Variants in CSNK2A1 observed in about 807,000 individuals in gnomAD.
CSNK2A1 encodes the protein casein kinase 2 alpha 1, also known as casein kinase II subunit alpha.
Under a neutral mutation model 62.9 loss-of-function variants are expected in CSNK2A1, and 10 were observed. The observed-to-expected ratio is 0.16, with a 90% confidence interval of 0.10 to 0.27. The LOEUF is 0.27. CSNK2A1 is among the 10% of genes least tolerant of loss of function. The pLI is 1.00. For missense variants in CSNK2A1, 160 were observed against 492.0 expected (o/e 0.33, Z 6.38); for synonymous variants, 124 against 167.8 (o/e 0.74, Z 2.02).
chr20:482,576 G>T lies in CSNK2A1; in HGVS notation c.*1385C>A, dbSNP rs2017975337. ...CTGCCCGGTACCATGGGTCGAACGA[G>T]GGGTGTATAAAATGGGGGCCTTGGG... On this transcript the variant is annotated 3_prime_UTR_variant, in exon 14 of 14. Transcript: ENST00000217244. The T allele has an allele frequency of 6.6e-6, 1 of 152,320 alleles. No individual in the cohort carries two copies. Among genetic ancestry groups the T allele is most frequent in the Non-Finnish European group, 1.5e-5 (1 of 68,088 alleles). 9.4% of individuals were successfully genotyped at this position (152,320 alleles called of 1,614,324 possible). A position where few individuals can be genotyped will look rare whatever the true frequency, so the allele number is the denominator to read the frequency against.
intron 13 of CSNK2A1, among the ~76,000 whole-genome samples, chr20:484,832 C>A (rs1271172746): frequency 6.6e-6 from 1 of 151,262 alleles, no homozygotes; most frequent in African/African-American, 2.4e-5. Context: ...TTTGGGAGGC[C>A]AAGTTGGGCG....
At chr20:486,852 A>G (rs1210370006) in intron 12 of CSNK2A1, 1 of 197,078 alleles carries the variant, frequency 5.1e-6, no homozygotes, top group African/African-American at 2.3e-5. Context: ...AGGTCCATGT[A>G]GCTTAGGGCT....
chr20:484,427 T>C lies in CSNK2A1; in HGVS notation c.1061-351A>G, dbSNP rs116056346. ...CCAACCACATGTGGCTGCTGAGCAC[T>C]TGAAATATGGCTAGTGCAACTGAGG... On this transcript the variant is annotated intron_variant, in intron 13 of 13. Coordinates refer to ENST00000217244, the MANE Select transcript of CSNK2A1 (RefSeq NM_177559.3). Among the ~76,000 whole-genome samples, 890 of 152,344 alleles carry C rather than the reference T, an allele frequency of 5.8e-3. 12 individuals are homozygous for C. The highest frequency in any genetic ancestry group is 0.021 in the African/African-American group (855 of 41,572).
chr20:491,578 G>A (rs1372621724), intron 9 of CSNK2A1, among the ~76,000 whole-genome samples: 1 of 152,096 alleles, frequency 6.6e-6, no homozygotes, highest in Non-Finnish European at 1.5e-5. Flanking sequence ...GGCTAAGCTG[G>A]AAGGATCACT....
chr20:541,859 C>T (rs2019457508), intron 1 of CSNK2A1, among the ~76,000 whole-genome samples: 2 of 152,204 alleles, frequency 1.3e-5, no homozygotes, highest in South Asian at 4.1e-4. Flanking sequence ...CATACACCCT[C>T]CCGCAATAGC....
chr20:512,851 A>G (rs967328642), intron 2 of CSNK2A1, among the ~76,000 whole-genome samples: 2 of 152,220 alleles, frequency 1.3e-5, no homozygotes, highest in African/African-American at 4.8e-5. Context: ...TTCACTTAAT[A>G]TCAGTTAAAA....
rs1408312453 is a variant in CSNK2A1, at chr20:483,460, T to C, written c.*501A>G. On this transcript the variant is annotated 3_prime_UTR_variant, in exon 14 of 14. Transcript: ENST00000217244. Reference sequence around the variant, plus strand: ...GCAAGCAGTCCACTGCTCCTATAGATTGGGTCCTCCCTTCCTTCTTTCCTT... The same window carrying C: ...GCAAGCAGTCCACTGCTCCTATAGACTGGGTCCTCCCTTCCTTCTTTCCTT... The C allele has an allele frequency of 1.3e-5, 2 of 152,622 alleles. No individual in the cohort carries two copies. Among genetic ancestry groups the C allele is most frequent in the Non-Finnish European group, 2.9e-5 (2 of 68,076 alleles). 9.5% of individuals were successfully genotyped at this position (152,622 alleles called of 1,614,324 possible). A position where few individuals can be genotyped will look rare whatever the true frequency, so the allele number is the denominator to read the frequency against.
intron 2 of CSNK2A1, among the ~76,000 whole-genome samples, chr20:512,060 T>C (rs896003058): frequency 2.0e-5 from 3 of 152,164 alleles, no homozygotes; most frequent in Non-Finnish European, 4.4e-5. Flanking sequence ...TTCTGTTTTT[T>C]GCTTGTTTTT....
chr20:533,275 C>T (rs1436738249), intron 1 of CSNK2A1, among the ~76,000 whole-genome samples: 3 of 152,148 alleles, frequency 2.0e-5, no homozygotes, highest in Non-Finnish European at 4.4e-5. Flanking sequence ...ATTAAGGCTT[C>T]GAATTTGGAA....
chr20:496,942 G>GT (rs1435736993), intron 7 of CSNK2A1, among the ~76,000 whole-genome samples: 2 of 152,166 alleles, frequency 1.3e-5, no homozygotes, highest in African/African-American at 4.8e-5. Context: ...GTGAGATAAA[G>GT]TATACCAGAA....
intron 11 of CSNK2A1, chr20:487,962 TCTC>T (rs2018135270): frequency 7.4e-6 from 2 of 269,338 alleles, no homozygotes; most frequent in African/African-American, 2.2e-5. Flanking sequence ...GGAAAGTCCA[TCTC>T]CTCCTGTTGA....
In CSNK2A1 at chr20:474,935, T is replaced by C. The variant is rs1382269443; in HGVS notation, c.*9026A>G. ...GTCTTACTCTGCTCAGTTTTCATTT[T>C]GTAAACTTTTAAACATTTGAACTCT... On this transcript the variant is annotated 3_prime_UTR_variant, in exon 14 of 14. Transcript: ENST00000217244. The C allele has an allele frequency of 6.6e-6, 1 of 152,240 alleles. No individual in the cohort carries two copies. Among genetic ancestry groups the C allele is most frequent in the African/African-American group, 2.4e-5 (1 of 41,456 alleles). 9.4% of individuals were successfully genotyped at this position (152,240 alleles called of 1,614,324 possible).
rs1285009985 is a variant in CSNK2A1 at position 478,932 on chromosome 20, C to T, written c.*5029G>A. ...ACAGAGCAAGACCCGTATCAAAAAA[C>T]AAAACAAACAAAAAACTTCTAGTGA... On this transcript the variant is annotated 3_prime_UTR_variant, in exon 14 of 14. Transcript: ENST00000217244. 6.1e-6 allele frequency: 1 copy of T among 162,632 alleles called. No homozygotes were observed. Among genetic ancestry groups the T allele is most frequent in the Admixed American group, 6.4e-5 (1 of 15,714 alleles). The allele number at this position is 162,632 out of a possible 1,614,324, so 10.1% of individuals were successfully genotyped here. A position where few individuals can be genotyped will look rare whatever the true frequency, so the allele number is the denominator to read the frequency against.
At position 543,767 on chromosome 20, in the gene CSNK2A1, A is replaced by T. The variant is rs1401255356; in HGVS notation, c.-322T>A. ...GGAGGAGACACACGGCTCGGCCGCC[A>T]GCCGCAGGGACCAGAGCGAGGCTGC... On this transcript the variant is annotated 5_prime_UTR_variant, in exon 1 of 14. Coordinates refer to ENST00000217244, the MANE Select transcript of CSNK2A1 (RefSeq NM_177559.3). 2.5e-6 allele frequency: 1 copy of T among 398,328 alleles called. No individual in the cohort carries two copies. Among genetic ancestry groups the T allele is most frequent in the Admixed American group, 4.4e-5 (1 of 22,720 alleles). 24.7% of individuals were successfully genotyped at this position (398,328 alleles called of 1,614,324 possible). A position where few individuals can be genotyped will look rare whatever the true frequency, so the allele number is the denominator to read the frequency against.
At chr20:515,720 T>C (rs1337935951) in intron 2 of CSNK2A1, among the ~76,000 whole-genome samples, 3 of 152,254 alleles carry the variant, frequency 2.0e-5, no homozygotes, top group African/African-American at 2.4e-5. Context: ...TTTTAATTTA[T>C]AGTACCTAGC....
chr20:514,890 C>T (rs964527892), intron 2 of CSNK2A1, among the ~76,000 whole-genome samples: 1 of 152,184 alleles, frequency 6.6e-6, no homozygotes, highest in Non-Finnish European at 1.5e-5. Flanking sequence ...CTGATTTTGT[C>T]CATCCCTTAA....
chr20:481,048 G>A lies in CSNK2A1; in HGVS notation c.*2913C>T, dbSNP rs1032343230. ...AAACAGAATTCAAAACGTGAAAACGGAGCCATCTATCACACACGGTGTCGG... is the reference window on the plus strand; with the variant it reads ...AAACAGAATTCAAAACGTGAAAACGAAGCCATCTATCACACACGGTGTCGG... On this transcript the variant is annotated 3_prime_UTR_variant, in exon 14 of 14. Coordinates refer to ENST00000217244, the MANE Select transcript of CSNK2A1 (RefSeq NM_177559.3). 4 of 152,154 alleles carry A rather than the reference G, an allele frequency of 2.6e-5. No homozygotes were observed. Among genetic ancestry groups the A allele is most frequent in the African/African-American group, 9.7e-5 (4 of 41,432 alleles). 9.4% of individuals were successfully genotyped at this position (152,154 alleles called of 1,614,324 possible).
chr20:499,446 C>T lies in CSNK2A1; in HGVS notation c.316-141G>A, dbSNP rs2018413467. 1.5e-6 allele frequency: 1 copy of T among 656,804 alleles called. No individual in the cohort carries two copies. Among genetic ancestry groups the T allele is most frequent in the Admixed American group, 3.1e-5 (1 of 31,914 alleles). 40.7% of individuals were successfully genotyped at this position (656,804 alleles called of 1,614,324 possible). A position where few individuals can be genotyped will look rare whatever the true frequency, so the allele number is the denominator to read the frequency against. ...AAGAAACCCTCTATTGCTACAAGCCCTCCCCGCTCTGATCATCACCGCACT... is the reference window on the plus strand; with the variant it reads ...AAGAAACCCTCTATTGCTACAAGCCTTCCCCGCTCTGATCATCACCGCACT... On this transcript the variant is annotated intron_variant, in intron 5 of 13. Coordinates refer to ENST00000217244, the MANE Select transcript of CSNK2A1 (RefSeq NM_177559.3). The surrounding 1 kb of genome is among the most constrained non-coding windows in gnomAD (Gnocchi z 4.2).
chr20:484,692 TTTTGTGTGTGTGTG>T (rs1568495499), intron 13 of CSNK2A1, among the ~76,000 whole-genome samples: 2 of 129,514 alleles, frequency 1.5e-5, no homozygotes, highest in African/African-American at 3.5e-5. Flanking sequence ...CTAATCATGT[TTTTGTGTGTGTGTG>T]TGTGTGTGTG....
Sources: allele counts gnomAD v4.1 joint callset (sites outside exome capture counted in the v4.1 genomes callset), GRCh38; gene constraint gnomAD v4.1.1; non-coding constraint Gnocchi (gnomAD v3.1); transcripts MANE v1.5; gene names NCBI Gene and HGNC (gene_info 2026-07-23, HGNC 2026-07-21).